QTMAN: variants seen among roughly 807,000 people sequenced by gnomAD.
QTMAN encodes tRNA-queuosine alpha-mannosyltransferase.
chr2:144,148,122 T>C, the QTMAN span, among the ~76,000 whole-genome samples: 2 of 151,778 alleles, frequency 1.3e-5, no homozygotes, highest in African/African-American at 4.8e-5. Flanking sequence ...AGACTGCAAG[T>C]TTTTATCAAT....
the QTMAN span, among the ~76,000 whole-genome samples, chr2:144,283,707 A>G: frequency 6.6e-6 from 1 of 152,130 alleles, no homozygotes; most frequent in African/African-American, 2.4e-5. Flanking sequence ...GACAAACATA[A>G]TATTAAAAAC....
the QTMAN span, among the ~76,000 whole-genome samples, chr2:144,054,624 T>G: frequency 1.3e-5 from 2 of 152,176 alleles, no homozygotes; most frequent in African/African-American, 4.8e-5. Context: ...TTGGGTTACA[T>G]GAAGGATGAT....
the QTMAN span, among the ~76,000 whole-genome samples, chr2:144,135,062 ACT>A: frequency 6.6e-6 from 1 of 152,046 alleles, no homozygotes; most frequent in Non-Finnish European, 1.5e-5. Context: ...ATTTTGATAC[ACT>A]CTATTCATGA....
At chr2:144,290,523 T>C in the QTMAN span, among the ~76,000 whole-genome samples, 2 of 152,122 alleles carry the variant, frequency 1.3e-5, no homozygotes, top group Non-Finnish European at 2.9e-5. Flanking sequence ...AAGATCACTC[T>C]GCTTAAAATC....
chr2:144,058,328 G>T, the QTMAN span, among the ~76,000 whole-genome samples: 2 of 151,912 alleles, frequency 1.3e-5, no homozygotes, highest in African/African-American at 4.8e-5. Context: ...ATATCAATAG[G>T]AACTAAGTAA....
chr2:144,105,950 T>A, the QTMAN span, among the ~76,000 whole-genome samples: 3 of 152,182 alleles, frequency 2.0e-5, no homozygotes, highest in Non-Finnish European at 4.4e-5. Flanking sequence ...GGGCCAATAT[T>A]CAACATTTTT....
At chr2:144,191,948 G>A in the QTMAN span, among the ~76,000 whole-genome samples, 1 of 152,042 alleles carries the variant, frequency 6.6e-6, no homozygotes, top group Admixed American at 6.6e-5. Flanking sequence ...GTTTTGCAAT[G>A]ACAAACGTAA....
chr2:144,110,947 T>C, the QTMAN span, among the ~76,000 whole-genome samples: 1 of 152,162 alleles, frequency 6.6e-6, no homozygotes, highest in Non-Finnish European at 1.5e-5. Flanking sequence ...ATTGCTTGGA[T>C]TCCTAGGGGA....
At chr2:143,968,609 C>A in the QTMAN span, among the ~76,000 whole-genome samples, 1 of 152,108 alleles carries the variant, frequency 6.6e-6, no homozygotes, top group Non-Finnish European at 1.5e-5. Context: ...CCTGAAAGTA[C>A]GCAGTGGTAA....
At chr2:144,116,196 T>C in the QTMAN span, among the ~76,000 whole-genome samples, 1 of 151,560 alleles carries the variant, frequency 6.6e-6, no homozygotes, top group South Asian at 2.1e-4. Context: ...TAAAAAAAAA[T>C]CTGTATTTGC....
At chr2:144,133,182 AATATAAATT>A in the QTMAN span, among the ~76,000 whole-genome samples, 21 of 37,660 alleles carry the variant, frequency 5.6e-4, no homozygotes, top group African/African-American at 3.4e-3. Context: ...AAATATATAT[AATATAAATT>A]TATATATATA....
the QTMAN span, among the ~76,000 whole-genome samples, chr2:143,994,643 G>C: frequency 6.6e-6 from 1 of 152,158 alleles, no homozygotes; most frequent in Non-Finnish European, 1.5e-5. Context: ...AGACGTAAAA[G>C]ACCACATATT....
the QTMAN span, among the ~76,000 whole-genome samples, chr2:144,222,584 A>G: frequency 6.6e-6 from 1 of 151,570 alleles, no homozygotes; most frequent in Non-Finnish European, 1.5e-5. Flanking sequence ...AGGCGGGCGG[A>G]TCACAAGGTC....
chr2:144,309,558 C>T, the QTMAN span, among the ~76,000 whole-genome samples: 1 of 152,062 alleles, frequency 6.6e-6, no homozygotes, highest in Non-Finnish European at 1.5e-5. Context: ...AAAACGAATT[C>T]ACAGTGACAA....
the QTMAN span, among the ~76,000 whole-genome samples, chr2:144,320,390 T>C: frequency 5.3e-5 from 8 of 152,198 alleles, no homozygotes; most frequent in African/African-American, 1.9e-4. Context: ...GTGGAAAGAC[T>C]ATAATGTTTC....
the QTMAN span, among the ~76,000 whole-genome samples, chr2:144,294,912 T>C: frequency 6.6e-6 from 1 of 152,162 alleles, no homozygotes; most frequent in East Asian, 1.9e-4. Flanking sequence ...AATCAGTGGA[T>C]TCCTAGTTAG....
At chr2:144,119,709 G>A in the QTMAN span, among the ~76,000 whole-genome samples, 1 of 152,142 alleles carries the variant, frequency 6.6e-6, no homozygotes, top group Non-Finnish European at 1.5e-5. Flanking sequence ...CTGCTTCATG[G>A]GGCTGTCTCA....
chr2:143,947,155 G>A, the QTMAN span: 7 of 1,571,374 alleles, frequency 4.5e-6, no homozygotes, highest in East Asian at 1.3e-4. Context: ...GGAGGAGGGA[G>A]AGAAGAGAAA....
chr2:143,947,464 C>T, the QTMAN span, among the ~76,000 whole-genome samples: 2 of 152,112 alleles, frequency 1.3e-5, no homozygotes, highest in Non-Finnish European at 2.9e-5. Flanking sequence ...CAACTTTTAA[C>T]TTATATAAAC....
Sources: gnomAD v4.1 joint callset for allele counts (sites outside exome capture counted in the v4.1 genomes callset) on GRCh38, gnomAD v4.1.1 for gene constraint, MANE v1.5 for transcripts, NCBI Gene and HGNC (gene_info 2026-07-23, HGNC 2026-07-21) for gene names.